IL21: variants seen among roughly 807,000 people sequenced by gnomAD.
IL21 encodes the protein interleukin 21, also known as interleukin-21.
IL21 carries 3 observed loss-of-function variants against 18.4 expected under a neutral mutation model. The ratio of observed to expected loss-of-function variants is 0.16; its 90% CI spans 0.07 to 0.42. The LOEUF is 0.42. Ranked by LOEUF, IL21 falls within the 10% of genes least tolerant of loss-of-function variation. The pLI, the probability that IL21 is intolerant of heterozygous loss-of-function variation, is 0.99. For missense variants in IL21, 130 were observed against 188.4 expected, an observed-to-expected ratio of 0.69 and a Z score of 1.81; for synonymous variants, 37 against 62.0, an observed-to-expected ratio of 0.60 and a Z score of 1.90.
In IL21 at chr4:122,612,000, A is replaced by G. The variant is rs953345644; in HGVS notation, c.*710T>C. 6.6e-6 allele frequency among the ~76,000 whole-genome samples: 1 copy of G among 152,098 alleles called. No individual in the cohort carries two copies. The highest frequency in any genetic ancestry group is 1.5e-5 in the Non-Finnish European group (1 of 67,968). ...TTCCACAAGCTTAAAATGTTAGCTT[A>G]TAAGGGGACTGGGGGCTGGAGGAAG... On this transcript the variant is annotated 3_prime_UTR_variant, in exon 5 of 5. Coordinates refer to ENST00000648588, the MANE Select transcript of IL21 (RefSeq NM_021803.4).
chr4:122,614,659 C>T lies in IL21; in HGVS notation c.360+1023G>A, dbSNP rs575355763. The stretch of plus-strand genomic sequence containing the variant: ...AGGTGGAAGCTGCAGTGAGCCAAGA[C>T]CTTGCCACTGCACTCCAGCATGGGC... On this transcript the variant is annotated intron_variant, in intron 3 of 4. Transcript: ENST00000648588. 1.4e-3 allele frequency among the ~76,000 whole-genome samples: 208 copies of T among 152,112 alleles called. 1 individual carries two copies. Among genetic ancestry groups the T allele is most frequent in the African/African-American group, 4.9e-3 (203 of 41,506 alleles).
rs1287563569 is a variant in IL21 at position 122,611,960 on chromosome 4, G to A, written c.*750C>T. Among the ~76,000 whole-genome samples, 4 of 151,944 alleles carry A rather than the reference G, an allele frequency of 2.6e-5. No homozygotes were observed. Among genetic ancestry groups the A allele is most frequent in the Admixed American group, 6.6e-5 (1 of 15,240 alleles). ...ACAACCTGGCATATGTCCCTCTATA[G>A]GTTTAAATTGCCATTTCCACAAGCT... is the stretch of plus-strand genomic sequence containing the variant. On this transcript the variant is annotated 3_prime_UTR_variant, in exon 5 of 5. Transcript: ENST00000648588.
Position 122,610,998 on chromosome 4 carries a change from G to T in IL21, c.*1712C>A, listed in dbSNP as rs1008858728. Among the ~76,000 whole-genome samples, 16 of 152,114 alleles carry T rather than the reference G, an allele frequency of 1.1e-4. No homozygotes were observed. Among genetic ancestry groups the T allele is most frequent in the Non-Finnish European group, 2.1e-4 (14 of 67,990 alleles). On this transcript the variant is annotated 3_prime_UTR_variant, in exon 5 of 5. Coordinates refer to ENST00000648588, the MANE Select transcript of IL21 (RefSeq NM_021803.4). Reference sequence around the variant, plus strand: ...GACCCTGATCAAAATAATTGGAACAGAAATTTTTAACAATAAACATGCCAA... The same window carrying T: ...GACCCTGATCAAAATAATTGGAACATAAATTTTTAACAATAAACATGCCAA...
Position 122,612,298 on chromosome 4 carries a change from T to C in IL21, c.*412A>G, listed in dbSNP as rs185422144. On this transcript the variant is annotated 3_prime_UTR_variant, in exon 5 of 5. Coordinates refer to ENST00000648588, the MANE Select transcript of IL21 (RefSeq NM_021803.4). Reference sequence around the variant, plus strand: ...AGATGTCAACTTTTCATTTTGCTTTTATATATTTTGCTTCTATGCTTCTAT... The same window carrying C: ...AGATGTCAACTTTTCATTTTGCTTTCATATATTTTGCTTCTATGCTTCTAT... 6.6e-5 allele frequency among the ~76,000 whole-genome samples: 10 copies of C among 152,246 alleles called. No individual in the cohort carries two copies. In the East Asian group the frequency reaches 1.9e-3, roughly 29 times the overall value.
intron 3 of IL21, among the ~76,000 whole-genome samples, chr4:122,613,604 G>A (rs944486973): frequency 3.9e-5 from 6 of 151,908 alleles, no homozygotes; most frequent in Non-Finnish European, 2.9e-5. Flanking sequence ...CGCCTGCCTC[G>A]GCCTCCCAAA....
At position 122,615,829 on chromosome 4, in the gene IL21, A is replaced by G. The variant is rs141805990; in HGVS notation, c.213T>C (p.Cys71=). ...GAAAGCAGGAAAAAGCTGACCACTC[A>G]CAGTTTGTCTGAAAGATAAACAATT... The part of the protein sequence containing the change: ...LPAPEDVETN[C]EWSAFSCFQK... Residue 71 remains cysteine (C), a synonymous_variant, in exon 3 of 5, where the codon TGT becomes TGC. Coordinates refer to ENST00000648588, the MANE Select transcript of IL21 (RefSeq NM_021803.4). 1 of 1,607,576 alleles carries G rather than the reference A, an allele frequency of 6.2e-7. No individual in the cohort carries two copies. The highest frequency in any genetic ancestry group is 8.5e-7 in the Non-Finnish European group (1 of 1,177,412).
At chr4:122,618,171 C>G (rs1327755694) in intron 2 of IL21, among the ~76,000 whole-genome samples, 2 of 152,144 alleles carry the variant, frequency 1.3e-5, no homozygotes, top group Admixed American at 6.5e-5. Flanking sequence ...CAAGAATTAA[C>G]AAACCATTCC....
chr4:122,611,600 C>T lies in IL21; in HGVS notation c.*1110G>A, dbSNP rs978713972. ...AGGTAGAGTAGGTTGCTTGTTTTTA[C>T]TACCCAAGTCTGAAAGATTGGAATG... On this transcript the variant is annotated 3_prime_UTR_variant, in exon 5 of 5. Transcript: ENST00000648588. Among the ~76,000 whole-genome samples, 2 of 152,150 alleles carry T rather than the reference C, an allele frequency of 1.3e-5. No homozygotes were observed. The highest frequency in any genetic ancestry group is 2.9e-5 in the Non-Finnish European group (2 of 67,998).
Position 122,615,527 on chromosome 4 carries a change from T to TAA in IL21, c.360+153_360+154dup, listed in dbSNP as rs10530157. On this transcript the variant is annotated intron_variant, in intron 3 of 4. Coordinates refer to ENST00000648588, the MANE Select transcript of IL21 (RefSeq NM_021803.4). ...TGGGTGACAGAGTGAGACTCTGTCT[T>TAA]AAAAAAAAAAAAAAAAGCACCATGT... is the stretch of plus-strand genomic sequence containing the variant. Among the ~76,000 whole-genome samples the TAA allele has an allele frequency of 2.2e-3, 321 of 143,240 alleles. 1 individual carries two copies. The highest frequency in any genetic ancestry group is 5.4e-3 in the African/African-American group (209 of 38,916). 94.0% of individuals were successfully genotyped at this position (143,240 alleles called of 152,430 possible).
chr4:122,612,779 G>C lies in IL21; in HGVS notation c.439-19C>G. 6.2e-7 allele frequency: 1 copy of C among 1,613,264 alleles called. No individual in the cohort carries two copies. The highest frequency in any genetic ancestry group is 8.5e-7 in the Non-Finnish European group (1 of 1,179,468). On this transcript the variant is annotated intron_variant, in intron 4 of 4. Coordinates refer to ENST00000648588, the MANE Select transcript of IL21 (RefSeq NM_021803.4). ...GAATCATCTGTGGAAATAGTATACC[G>C]TGAGTAACTAAGAAGCAAATCTGGA...
Position 122,611,274 on chromosome 4 carries a change from A to G in IL21, c.*1436T>C, listed in dbSNP as rs1184394534. Reference sequence around the variant, plus strand: ...AACAGAGTACCTTGTTTCTGATGATAAATTTTTTTTTCTTTTTTCTGAGTC... The same window carrying G: ...AACAGAGTACCTTGTTTCTGATGATGAATTTTTTTTTCTTTTTTCTGAGTC... On this transcript the variant is annotated 3_prime_UTR_variant, in exon 5 of 5. Coordinates refer to ENST00000648588, the MANE Select transcript of IL21 (RefSeq NM_021803.4). Among the ~76,000 whole-genome samples the G allele has an allele frequency of 1.3e-5, 2 of 152,090 alleles. No individual in the cohort carries two copies. The highest frequency in any genetic ancestry group is 2.9e-5 in the Non-Finnish European group (2 of 67,974).
intron 3 of IL21, among the ~76,000 whole-genome samples, chr4:122,613,602 T>G (rs922989274): frequency 2.6e-5 from 4 of 152,168 alleles, no homozygotes; most frequent in African/African-American, 9.7e-5. Context: ...TCCGCCTGCC[T>G]CGGCCTCCCA....
In IL21 at chr4:122,611,563, A is replaced by G. The variant is rs1317036168; in HGVS notation, c.*1147T>C. Among the ~76,000 whole-genome samples, 1 of 152,172 alleles carries G rather than the reference A, an allele frequency of 6.6e-6. No individual in the cohort carries two copies. The highest frequency in any genetic ancestry group is 1.5e-5 in the Non-Finnish European group (1 of 67,998). ...GTTTAAACAAGCTGTGCTGGAGTTG[A>G]TATGAAATGGCAGGTAGAGTAGGTT... On this transcript the variant is annotated 3_prime_UTR_variant, in exon 5 of 5. Coordinates refer to ENST00000648588, the MANE Select transcript of IL21 (RefSeq NM_021803.4).
intron 2 of IL21, among the ~76,000 whole-genome samples, chr4:122,618,786 C>T (rs1348992729): frequency 9.4e-6 from 1 of 106,472 alleles, no homozygotes; most frequent in Non-Finnish European, 1.7e-5. Context: ...AGCCTAGCAA[C>T]ATATCGAGAC....
chr4:122,610,537 T>C lies in IL21; in HGVS notation c.*2173A>G, dbSNP rs1021645775. 4.6e-5 allele frequency among the ~76,000 whole-genome samples: 7 copies of C among 152,200 alleles called. No individual in the cohort carries two copies. Among genetic ancestry groups the C allele is most frequent in the African/African-American group, 1.7e-4 (7 of 41,448 alleles). On this transcript the variant is annotated 3_prime_UTR_variant, in exon 5 of 5. Coordinates refer to ENST00000648588, the MANE Select transcript of IL21 (RefSeq NM_021803.4). ...ACTCAGAAGTATGATCAGATGTTTC[T>C]GTAAGAATACCCAGAACTTTAGATA...
At chr4:122,617,708 A>C (rs1487262156) in intron 2 of IL21, among the ~76,000 whole-genome samples, 1 of 151,948 alleles carries the variant, frequency 6.6e-6, no homozygotes, top group African/African-American at 2.4e-5. Flanking sequence ...TTCCTCTCCC[A>C]CCCTTCCTTG....
chr4:122,620,983 C>A lies in IL21; in HGVS notation c.29G>T (p.Arg10Met). The A allele has an allele frequency of 6.2e-7, 1 of 1,613,972 alleles. No individual in the cohort carries two copies. The highest frequency in any genetic ancestry group is 8.5e-7 in the Non-Finnish European group (1 of 1,179,900). ...GATGACCATCAGACAGATGACAATC[C>A]TCTCCATGTTGCCAGGACTGGATCT... MRSSPGNMERIVICLMVIFL... is the reference protein window; with the variant it reads MRSSPGNMEMIVICLMVIFL... The change falls in exon 1 of 5, where the codon AGG becomes ATG. Residue 10 changes from arginine (R) to methionine (M), a missense_variant. Transcript: ENST00000648588.
chr4:122,613,122 A>G (rs1799285417), intron 3 of IL21, among the ~76,000 whole-genome samples, 194 bp from the exon 4 acceptor site: 1 of 152,080 alleles, frequency 6.6e-6, no homozygotes, highest in South Asian at 2.1e-4. Flanking sequence ...TCCCACTGCA[A>G]TGTTTTAATG....
At position 122,612,166 on chromosome 4, in the gene IL21, C is replaced by T. The variant is rs1393573963; in HGVS notation, c.*544G>A. Among the ~76,000 whole-genome samples, 2 of 150,644 alleles carry T rather than the reference C, an allele frequency of 1.3e-5. No homozygotes were observed. Among genetic ancestry groups the T allele is most frequent in the African/African-American group, 2.4e-5 (1 of 40,910 alleles). ...GCTTTTATAGCCATCTAGTATCCCC[C>T]GGTGCATAAATAAATTACATATTTA... On this transcript the variant is annotated 3_prime_UTR_variant, in exon 5 of 5. Coordinates refer to ENST00000648588, the MANE Select transcript of IL21 (RefSeq NM_021803.4).
Sources: allele counts gnomAD v4.1 joint callset (sites outside exome capture counted in the v4.1 genomes callset), GRCh38; gene constraint gnomAD v4.1.1; transcripts MANE v1.5; gene names NCBI Gene and HGNC (gene_info 2026-07-23, HGNC 2026-07-21).